The following SORCS1 variants were observed in gnomAD, a reference collection of about 807,000 sequenced individuals.
SORCS1 encodes VPS10 domain-containing receptor SorCS1.
A neutral mutation model predicts 146.1 loss-of-function variants in SORCS1; 60 were observed. The ratio of observed to expected loss-of-function variants is 0.41; its 90% CI spans 0.33 to 0.51. The LOEUF (loss-of-function observed/expected upper bound fraction) is 0.51. SORCS1 is among the 20% of genes least tolerant of loss of function. The pLI, the probability that SORCS1 is intolerant of heterozygous loss-of-function variation, is 0.21. For synonymous variants in SORCS1, 637 were observed against 584.0 expected (o/e 1.09, Z -1.31); for missense variants, 1,352 against 1,487.6 (o/e 0.91, Z 1.50).
At chr10:106,791,179 T>C (rs1389577311) in intron 3 of SORCS1, among the ~76,000 whole-genome samples, 2 of 152,224 alleles carry the variant, frequency 1.3e-5, no homozygotes, top group African/African-American at 2.4e-5. Flanking sequence ...TTTCCCACTT[T>C]AAAGCCGCAC....
chr10:106,972,392 A>G (rs1166708818), intron 1 of SORCS1, among the ~76,000 whole-genome samples: 3 of 152,070 alleles, frequency 2.0e-5, no homozygotes, highest in African/African-American at 7.2e-5. Context: ...AAAAAAAAAA[A>G]AAAAAAAATT....
chr10:106,976,211 GTTTTT>G (rs751512315), intron 1 of SORCS1, among the ~76,000 whole-genome samples: 1 of 134,360 alleles, frequency 7.4e-6, no homozygotes, highest in East Asian at 2.6e-4. Context: ...TGCTTCATCT[GTTTTT>G]TTTTTTTTTA....
At chr10:106,733,107 C>CAAAAAAAAAAAAAAAAAAAAA (rs1350500252) in intron 5 of SORCS1, among the ~76,000 whole-genome samples, 9 of 111,212 alleles carry the variant, frequency 8.1e-5, no homozygotes, top group East Asian at 5.2e-4. Flanking sequence ...TACTCCATTT[C>CAAAAAAAAAAAAAAAAAAAAA]AAAAAAAAGA....
chr10:107,047,576 A>G (rs538392548), intron 1 of SORCS1, among the ~76,000 whole-genome samples: 1 of 152,188 alleles, frequency 6.6e-6, no homozygotes, highest in Non-Finnish European at 1.5e-5. Context: ...TTGCTCTTAT[A>G]TTCAAACTTC....
chr10:106,726,772 T>C (rs761882738), intron 6 of SORCS1, among the ~76,000 whole-genome samples: 2 of 152,130 alleles, frequency 1.3e-5, no homozygotes, highest in Non-Finnish European at 2.9e-5. Flanking sequence ...AGCATGGATA[T>C]CATCTAGGAG....
intron 1 of SORCS1, among the ~76,000 whole-genome samples, chr10:106,978,651 A>G (rs1247352035): frequency 1.3e-5 from 2 of 152,074 alleles, no homozygotes; most frequent in Non-Finnish European, 2.9e-5. Context: ...TACAAAAATT[A>G]GCCAGGTGTG....
intron 2 of SORCS1, among the ~76,000 whole-genome samples, chr10:106,937,504 T>A (rs1159941256): frequency 6.6e-6 from 1 of 152,082 alleles, no homozygotes; most frequent in Non-Finnish European, 1.5e-5. Context: ...AAAGGGCAGT[T>A]CCCTTGCACA....
In SORCS1 at chr10:106,629,330, T is replaced by G; in HGVS notation, c.2534A>C (p.Tyr845Ser). 1 of 1,614,180 alleles carries G rather than the reference T, an allele frequency of 6.2e-7. No individual in the cohort carries two copies. The highest frequency in any genetic ancestry group is 8.5e-7 in the Non-Finnish European group (1 of 1,180,014). The change falls in exon 19 of 26, where the codon TAC becomes TCC. Residue 845 changes from tyrosine (Y) to serine (S), a missense_variant. Tyr to Ser is a moderately radical substitution (Grantham distance 144). This residue lies in a region of SORCS1 where 648 missense variants were observed against 793.8 expected (regional missense o/e 0.82). Transcript: ENST00000263054. Reference protein sequence around the residue: ...VDFGDGIAVSYVNLSSMEDGI... With the variant: ...VDFGDGIAVSSVNLSSMEDGI... ...ATCTTCCATGGAGCTGAGATTGACGTAAGACACCGCGATACCATCGCCAAA... is the reference window on the plus strand; with the variant it reads ...ATCTTCCATGGAGCTGAGATTGACGGAAGACACCGCGATACCATCGCCAAA...
At chr10:106,894,270 CGTGTGTGT>C (rs3982431) in intron 2 of SORCS1, among the ~76,000 whole-genome samples, 4,634 of 141,456 alleles carry the variant, frequency 0.033, 212 homozygotes, top group African/African-American at 0.1. Context: ...CGCACGTGTG[CGTGTGTGT>C]GTGTGTGTGT....
rs77830183 is a variant in SORCS1, at chr10:106,924,859, G to A, written c.626+31654C>T. 5.5e-3 allele frequency among the ~76,000 whole-genome samples: 827 copies of A among 149,622 alleles called. 7 individuals are homozygous for A. Among genetic ancestry groups the A allele is most frequent in the African/African-American group, 0.02 (797 of 40,536 alleles). On this transcript the variant is annotated intron_variant, in intron 2 of 25. Transcript: ENST00000263054. ...TGGACAAGCAAGATGTATTCCTTGT[G>A]TAACTTTCATAAGTATCTCAGGTTT...
intron 1 of SORCS1, among the ~76,000 whole-genome samples, chr10:107,067,272 G>C (rs900785957): frequency 2.0e-5 from 3 of 150,804 alleles, no homozygotes; most frequent in African/African-American, 7.4e-5. Flanking sequence ...TTAGGAAAAA[G>C]AGTGGCTACT....
At chr10:107,068,201 C>T (rs962875619) in intron 1 of SORCS1, among the ~76,000 whole-genome samples, 3 of 152,116 alleles carry the variant, frequency 2.0e-5, no homozygotes, top group Non-Finnish European at 4.4e-5. Flanking sequence ...CCTTTTACTG[C>T]AAATCTGGAA....
At chr10:106,707,275 G>A (rs531886585) in intron 7 of SORCS1, among the ~76,000 whole-genome samples, 29 of 150,784 alleles carry the variant, frequency 1.9e-4, no homozygotes, top group African/African-American at 6.1e-4. Context: ...TGCAACCTCC[G>A]CCTCCCAGGT....
At chr10:106,883,202 A>AT (rs1447059728) in intron 2 of SORCS1, among the ~76,000 whole-genome samples, 1 of 152,170 alleles carries the variant, frequency 6.6e-6, no homozygotes, top group Non-Finnish European at 1.5e-5. Context: ...AGATACACGT[A>AT]TGACCAACAT....
intron 1 of SORCS1, among the ~76,000 whole-genome samples, chr10:107,000,286 TG>T (rs1957165469): frequency 6.6e-6 from 1 of 152,150 alleles, no homozygotes; most frequent in Non-Finnish European, 1.5e-5. Context: ...CCGGCTGAAA[TG>T]TTGGGAAGAT....
intron 2 of SORCS1, among the ~76,000 whole-genome samples, chr10:106,938,692 C>T (rs1475791015): frequency 2.0e-5 from 3 of 152,170 alleles, no homozygotes; most frequent in African/African-American, 7.2e-5. Flanking sequence ...TCTGTAGATT[C>T]CATAAAACTA....
intron 1 of SORCS1, among the ~76,000 whole-genome samples, chr10:107,090,378 TCATTTTGAG>T (rs916856316): frequency 1.1e-4 from 16 of 152,178 alleles, no homozygotes; most frequent in African/African-American, 3.1e-4. Context: ...ATGTGACTAA[TCATTTTGAG>T]CATTGTCCCT....
chr10:106,603,726 G>A (rs1013756305), intron 23 of SORCS1, among the ~76,000 whole-genome samples: 22 of 152,222 alleles, frequency 1.4e-4, no homozygotes, highest in African/African-American at 5.3e-4. Flanking sequence ...CAAAGGAGGG[G>A]GTTCATTTCT....
At chr10:106,984,555 A>C (rs1031540362) in intron 1 of SORCS1, among the ~76,000 whole-genome samples, 1 of 151,742 alleles carries the variant, frequency 6.6e-6, no homozygotes, top group Non-Finnish European at 1.5e-5. Context: ...CACCACGCCC[A>C]GCTAATTTTT....
Sources: allele counts gnomAD v4.1 joint callset (sites outside exome capture counted in the v4.1 genomes callset), GRCh38; gene constraint gnomAD v4.1.1; regional missense constraint gnomAD v4.1.1; transcripts MANE v1.5; gene names NCBI Gene and HGNC (gene_info 2026-07-23, HGNC 2026-07-21).